LYPLAL1: variants seen among roughly 807,000 people sequenced by gnomAD.
LYPLAL1 encodes lysophospholipase like 1, also known as lysophospholipase-like protein 1.
A neutral mutation model predicts 19.7 loss-of-function variants in LYPLAL1; 23 were observed. The observed-to-expected ratio is 1.17, with a 90% CI of 0.84 to 1.65. The LOEUF (loss-of-function observed/expected upper bound fraction) is 1.65, where lower values mean the gene tolerates loss of function less well. Among genes scored for constraint, LYPLAL1 ranks in the 40% most tolerant of loss-of-function variants. The probability of loss-of-function intolerance (pLI) is 0.00; values close to 1 mark genes in which losing one functional copy is unlikely to be tolerated. For missense variants in LYPLAL1, 355 were observed against 279.4 expected (o/e 1.27, Z -1.93); for synonymous variants, 119 against 96.3 (o/e 1.24, Z -1.38).
At chr1:219,178,626 A>T (rs1035286294) in intron 1 of LYPLAL1, among the ~76,000 whole-genome samples, 3 of 152,100 alleles carry the variant, frequency 2.0e-5, no homozygotes, top group Non-Finnish European at 4.4e-5. Context: ...AGGTCATGTA[A>T]ACATGTTGTC....
the LYPLAL1 span, among the ~76,000 whole-genome samples, chr1:219,267,834 C>A: frequency 6.6e-6 from 1 of 152,176 alleles, no homozygotes; most frequent in African/African-American, 2.4e-5. Context: ...CCAGCAGGAT[C>A]ATCTGAGGCC....
At chr1:219,191,338 T>C (rs905311236) in intron 2 of LYPLAL1, among the ~76,000 whole-genome samples, 62 of 151,736 alleles carry the variant, frequency 4.1e-4, no homozygotes, top group Non-Finnish European at 4.4e-4. Context: ...GGCTAAAAGC[T>C]GGGTACCAAA....
At chr1:219,332,610 T>C in the LYPLAL1 span, among the ~76,000 whole-genome samples, 1 of 152,146 alleles carries the variant, frequency 6.6e-6, no homozygotes, top group Admixed American at 6.6e-5. Context: ...TTTTGCCATT[T>C]TGAGTCATTG....
chr1:219,281,278 G>C, the LYPLAL1 span, among the ~76,000 whole-genome samples: 1 of 150,950 alleles, frequency 6.6e-6, no homozygotes, highest in Non-Finnish European at 1.5e-5. Context: ...TCTACCCTGT[G>C]CCAGTAACTT....
chr1:219,255,370 C>T, the LYPLAL1 span, among the ~76,000 whole-genome samples: 1 of 151,674 alleles, frequency 6.6e-6, no homozygotes, highest in African/African-American at 2.4e-5. Flanking sequence ...GTTCTTTATG[C>T]TCCTGTAAAT....
chr1:219,225,310 A>G, the LYPLAL1 span: 1 of 152,176 alleles, frequency 6.6e-6, no homozygotes, highest in Admixed American at 6.5e-5. Context: ...TTGTTTCCTT[A>G]CCTGTAAAAT....
the LYPLAL1 span, among the ~76,000 whole-genome samples, chr1:219,307,801 G>A: frequency 5.9e-5 from 9 of 152,130 alleles, no homozygotes; most frequent in African/African-American, 1.4e-4. Flanking sequence ...TTTTATCAGC[G>A]GTTTCTGCTT....
chr1:219,239,463 G>C, the LYPLAL1 span, among the ~76,000 whole-genome samples: 1 of 152,204 alleles, frequency 6.6e-6, no homozygotes, highest in Non-Finnish European at 1.5e-5. Flanking sequence ...ACTTCAGAGA[G>C]GTGGTCAAGA....
chr1:219,253,193 C>T, the LYPLAL1 span, among the ~76,000 whole-genome samples: 1 of 151,690 alleles, frequency 6.6e-6, no homozygotes, highest in Non-Finnish European at 1.5e-5. Flanking sequence ...TTTTAATAGT[C>T]TAGCTAGTGG....
chr1:219,310,760 G>A, the LYPLAL1 span, among the ~76,000 whole-genome samples: 6 of 152,160 alleles, frequency 3.9e-5, no homozygotes, highest in African/African-American at 7.2e-5. Flanking sequence ...TGGGAAAAAC[G>A]AACAATACAT....
the LYPLAL1 span, among the ~76,000 whole-genome samples, chr1:219,300,118 G>A: frequency 2.0e-5 from 3 of 152,052 alleles, no homozygotes; most frequent in Non-Finnish European, 2.9e-5. Context: ...TGAGTAGCAG[G>A]GTCTACAGGC....
the LYPLAL1 span, among the ~76,000 whole-genome samples, chr1:219,345,822 C>T: frequency 6.6e-6 from 1 of 152,194 alleles, no homozygotes; most frequent in African/African-American, 2.4e-5. Context: ...GCAGGCTTGA[C>T]TCAAAGGCAA....
chr1:219,404,012 T>C, the LYPLAL1 span, among the ~76,000 whole-genome samples: 1 of 152,284 alleles, frequency 6.6e-6, no homozygotes, highest in South Asian at 2.1e-4. Flanking sequence ...GAGGGCTTTC[T>C]TCCTGGCTTG....
chr1:219,210,482 C>A, intron 3 of LYPLAL1, 50 bp from the exon 4 acceptor site: 2 of 1,172,736 alleles, frequency 1.7e-6, no homozygotes, highest in Non-Finnish European at 2.4e-6. Context: ...ATATCATATC[C>A]TAAATTATTA....
the LYPLAL1 span, among the ~76,000 whole-genome samples, chr1:219,367,023 G>T: frequency 6.6e-6 from 1 of 151,964 alleles, no homozygotes; most frequent in African/African-American, 2.4e-5. Flanking sequence ...TATTAACAGT[G>T]TTTAACCCTT....
the LYPLAL1 span, among the ~76,000 whole-genome samples, chr1:219,298,564 C>T: frequency 6.6e-6 from 1 of 152,110 alleles, no homozygotes; most frequent in Non-Finnish European, 1.5e-5. Flanking sequence ...GTCTTTTTCC[C>T]ACCACCCAAG....
At chr1:219,201,877 G>A (rs1010889930) in intron 3 of LYPLAL1, among the ~76,000 whole-genome samples, 6 of 152,134 alleles carry the variant, frequency 3.9e-5, no homozygotes, top group African/African-American at 1.4e-4. Flanking sequence ...CTTCACATAC[G>A]TTAGTTATTG....
At chr1:219,404,964 T>G in the LYPLAL1 span, among the ~76,000 whole-genome samples, 1 of 152,238 alleles carries the variant, frequency 6.6e-6, no homozygotes, top group Non-Finnish European at 1.5e-5. Flanking sequence ...CATCCATTGG[T>G]AAGTTTTTGA....
the LYPLAL1 span, among the ~76,000 whole-genome samples, chr1:219,321,124 A>G: frequency 0.016 from 2,449 of 152,180 alleles, 68 homozygotes; most frequent in African/African-American, 0.055. Flanking sequence ...TTTTTTAATG[A>G]TTGCCACTCT....
Sources: allele counts gnomAD v4.1 joint callset (sites outside exome capture counted in the v4.1 genomes callset), GRCh38; gene constraint gnomAD v4.1.1; transcripts MANE v1.5; gene names NCBI Gene and HGNC (gene_info 2026-07-23, HGNC 2026-07-21).